The following RAB8A variants were observed in gnomAD, a reference collection of about 807,000 sequenced individuals.
RAB8A encodes RAB8A, member RAS oncogene family.
In RAB8A, 5 loss-of-function variants were observed where a neutral mutation model predicts 29.2. The observed-to-expected ratio is 0.17, with a 90% CI of 0.09 to 0.36. The LOEUF is 0.36. Among genes scored for constraint, RAB8A ranks in the 10% least tolerant of loss-of-function variants. RAB8A has a pLI of 1.00. For synonymous variants in RAB8A, 108 were observed against 99.9 expected, an observed-to-expected ratio of 1.08 and a Z score of -0.49; for missense variants, 171 against 272.2, an observed-to-expected ratio of 0.63 and a Z score of 2.62.
chr19:16,116,735 T>A (rs780013546), intron 1 of RAB8A, among the ~76,000 whole-genome samples: 1 of 152,062 alleles, frequency 6.6e-6, no homozygotes, highest in Non-Finnish European at 1.5e-5. Flanking sequence ...CTTGGGAGGC[T>A]GTGGCAGGAG....
chr19:16,128,519 C>G (rs566255642), intron 6 of RAB8A, among the ~76,000 whole-genome samples: 22 of 152,296 alleles, frequency 1.4e-4, no homozygotes, highest in African/African-American at 5.1e-4. Context: ...CCCCTCTCCA[C>G]GGGGCGACCC....
intron 1 of RAB8A, among the ~76,000 whole-genome samples, chr19:16,117,154 T>G (rs1448627581): frequency 6.6e-6 from 1 of 152,188 alleles, no homozygotes; most frequent in Non-Finnish European, 1.5e-5. Flanking sequence ...TTGGACCACA[T>G]TTTGTTCATC....
intron 1 of RAB8A, chr19:16,112,447 C>T (rs2090828744): frequency 5.3e-6 from 1 of 190,108 alleles, no homozygotes; most frequent in Non-Finnish European, 1.1e-5. Context: ...TTACTATGTG[C>T]CAAGTGCTTC....
rs1272562837 is a variant in RAB8A, at chr19:16,122,551, C to T, written c.246+741C>T. Among the ~76,000 whole-genome samples the T allele has an allele frequency of 1.3e-5, 2 of 152,118 alleles. No individual in the cohort carries two copies. Among genetic ancestry groups the T allele is most frequent in the African/African-American group, 4.8e-5 (2 of 41,422 alleles). On this transcript the variant is annotated intron_variant, in intron 3 of 7. Transcript: ENST00000300935. This position sits in a 1 kb window ranked among gnomAD's most constrained non-coding sequence, Gnocchi z 4.7. ...ATAAACGGCTGCCTCTCCCCATTCC[C>T]AGGTCCCTCTGCTCCCCACTCTTTC...
Position 16,125,268 on chromosome 19 carries a change from G to C in RAB8A, c.247-202G>C. On this transcript the variant is annotated intron_variant, in intron 3 of 7. Coordinates refer to ENST00000300935, the MANE Select transcript of RAB8A (RefSeq NM_005370.5). This position sits in a 1 kb window ranked among gnomAD's most constrained non-coding sequence, Gnocchi z 5.0. ...GGGGGGCAGGACAAGGCTGGTGCCA[G>C]AACCCAGCAGAAAGAAGGGCCACAG... The C allele has an allele frequency of 3.3e-6, 2 of 607,396 alleles. No homozygotes were observed. The highest frequency in any genetic ancestry group is 3.8e-5 in the South Asian group (2 of 52,316). 37.6% of individuals were successfully genotyped at this position (607,396 alleles called of 1,614,324 possible).
intron 6 of RAB8A, among the ~76,000 whole-genome samples, chr19:16,128,520 G>A (rs772467522): frequency 1.4e-4 from 21 of 152,120 alleles, no homozygotes; most frequent in Admixed American, 1.3e-4. Flanking sequence ...CCCTCTCCAC[G>A]GGGCGACCCC....
chr19:16,120,858 G>A (rs763961170), intron 2 of RAB8A, among the ~76,000 whole-genome samples: 8 of 151,846 alleles, frequency 5.3e-5, no homozygotes, highest in South Asian at 4.1e-4. Flanking sequence ...TGATCCACCC[G>A]CCTCGGCCTC....
chr19:16,120,093 G>A (rs1279287545), intron 2 of RAB8A, among the ~76,000 whole-genome samples: 1 of 152,096 alleles, frequency 6.6e-6, no homozygotes. Flanking sequence ...AATTACAGGC[G>A]TGAGCCACCG....
rs749599802 is a variant in RAB8A at position 16,125,464 on chromosome 19, G to A, written c.247-6G>A. The stretch of plus-strand genomic sequence containing the variant: ...TCAGGCACCTGTGTCTTCTCTCCCC[G>A]CGCAGGGCATCATGCTGGTCTACGA... On this transcript the variant is annotated splice_region_variant and splice_polypyrimidine_tract_variant and intron_variant, in intron 3 of 7. Coordinates refer to ENST00000300935, the MANE Select transcript of RAB8A (RefSeq NM_005370.5). This position sits in a 1 kb window ranked among gnomAD's most constrained non-coding sequence, Gnocchi z 5.0. 14 of 1,613,488 alleles carry A rather than the reference G, an allele frequency of 8.7e-6. No homozygotes were observed. Among genetic ancestry groups the A allele is most frequent in the South Asian group, 4.4e-5 (4 of 91,024 alleles).
rs757187765 is a variant in RAB8A at position 16,111,997 on chromosome 19, C to T, written c.96C>T (p.Ala32=). Residue 32 remains alanine, a synonymous_variant, in exon 1 of 8, where the codon GCC becomes GCT. Coordinates refer to ENST00000300935, the MANE Select transcript of RAB8A (RefSeq NM_005370.5). ...TCVLFRFSED[A]FNSTFISTIG... ...TCCTGTTCCGCTTCTCCGAGGACGC[C>T]TTCAACTCCACTTTTATCTCCACCA... The T allele has an allele frequency of 6.2e-7, 1 of 1,614,042 alleles. No individual in the cohort carries two copies. The highest frequency in any genetic ancestry group is 8.5e-7 in the Non-Finnish European group (1 of 1,179,890).
chr19:16,129,480 C>G, intron 6 of RAB8A, 74 bp from the exon 7 acceptor site: 1 of 1,473,878 alleles, frequency 6.8e-7, no homozygotes, highest in Non-Finnish European at 9.5e-7. Flanking sequence ...TGTCTCACCA[C>G]ACCCGCTGTA....
intron 2 of RAB8A, among the ~76,000 whole-genome samples, chr19:16,118,697 C>T (rs1348416856): frequency 2.0e-5 from 3 of 152,204 alleles, no homozygotes; most frequent in African/African-American, 7.2e-5. Context: ...CACTCAGAAG[C>T]ATAAAGGTCC....
intron 6 of RAB8A, among the ~76,000 whole-genome samples, chr19:16,128,512 C>G (rs909655391): frequency 6.6e-6 from 1 of 152,192 alleles, no homozygotes; most frequent in Admixed American, 6.5e-5. Context: ...CCACCCTCCC[C>G]TCTCCACGGG....
intron 7 of RAB8A, among the ~76,000 whole-genome samples, chr19:16,129,885 A>G (rs1170518583): frequency 6.6e-6 from 1 of 152,188 alleles, no homozygotes; most frequent in Non-Finnish European, 1.5e-5. Context: ...AAGGGCCAGA[A>G]AGACAACATG....
At chr19:16,131,073 C>T (rs1352854302) in intron 7 of RAB8A, among the ~76,000 whole-genome samples, 2 of 152,154 alleles carry the variant, frequency 1.3e-5, no homozygotes, top group African/African-American at 4.8e-5. Context: ...ATCCACCTGC[C>T]TCGGCCTCCC....
At chr19:16,118,958 T>G (rs1441921913) in intron 2 of RAB8A, among the ~76,000 whole-genome samples, 1 of 152,206 alleles carries the variant, frequency 6.6e-6, no homozygotes, top group Non-Finnish European at 1.5e-5. Context: ...GGTCCTGCCC[T>G]GCACACATGC....
At chr19:16,119,134 G>T (rs2090860965) in intron 2 of RAB8A, among the ~76,000 whole-genome samples, 2 of 152,124 alleles carry the variant, frequency 1.3e-5, no homozygotes, top group African/African-American at 4.8e-5. Flanking sequence ...AGTTTGACCG[G>T]TCACCCCCAC....
At chr19:16,126,858 G>C (rs1177036613) in intron 4 of RAB8A, 1 of 152,210 alleles carries the variant, frequency 6.6e-6, no homozygotes, top group African/African-American at 2.4e-5. Flanking sequence ...AATTAGCCTG[G>C]TATGGTGGCA....
At chr19:16,128,146 G>A (rs182848905) in intron 6 of RAB8A, 55 bp downstream of exon 6, 2 of 1,572,318 alleles carry the variant, frequency 1.3e-6, no homozygotes, top group African/African-American at 2.7e-5. Flanking sequence ...GCCCCTTCAG[G>A]CTAAAGGGGG....
Sources: allele counts gnomAD v4.1 joint callset (sites outside exome capture counted in the v4.1 genomes callset), GRCh38; gene constraint gnomAD v4.1.1; non-coding constraint Gnocchi (gnomAD v3.1); transcripts MANE v1.5; gene names NCBI Gene and HGNC (gene_info 2026-07-23, HGNC 2026-07-21).